The following CSMD1 variants were observed in gnomAD, a reference collection of about 807,000 sequenced individuals.
The protein encoded by CSMD1 is CUB and Sushi multiple domains 1, also known as CUB and sushi domain-containing protein 1.
A neutral mutation model predicts 417.5 loss-of-function variants in CSMD1; 213 were observed. The observed-to-expected ratio is 0.51, with a 90% CI of 0.46 to 0.57. The LOEUF (loss-of-function observed/expected upper bound fraction) is 0.57. Ranked by LOEUF, CSMD1 falls within the 20% of genes least tolerant of loss-of-function variation. The probability of loss-of-function intolerance (pLI) is 0.00; values close to 1 mark genes in which losing one functional copy is unlikely to be tolerated. For missense variants in CSMD1, 6,923 were observed against 4,529.7 expected (o/e 1.53, Z -15.17); for synonymous variants, 2,862 against 1,736.8 (o/e 1.65, Z -16.11).
At chr8:3,318,890 C>G (rs1805962146) in intron 23 of CSMD1, among the ~76,000 whole-genome samples, 1 of 152,132 alleles carries the variant, frequency 6.6e-6, no homozygotes, top group South Asian at 2.1e-4. Context: ...TGTAAACTAA[C>G]ACAGGTCATG....
intron 69 of CSMD1, among the ~76,000 whole-genome samples, chr8:2,939,038 C>G (rs1801684752): frequency 6.6e-6 from 1 of 152,230 alleles, no homozygotes; most frequent in African/African-American, 2.4e-5. Context: ...GACCACCACT[C>G]ATTTCAGCCT....
chr8:4,367,925 T>G (rs998296913), intron 3 of CSMD1, among the ~76,000 whole-genome samples: 1 of 152,192 alleles, frequency 6.6e-6, no homozygotes, highest in Non-Finnish European at 1.5e-5. Context: ...TTACTGAAGT[T>G]GTTTATCAGT....
chr8:3,761,219 T>C (rs890781646), intron 5 of CSMD1, among the ~76,000 whole-genome samples: 7 of 152,006 alleles, frequency 4.6e-5, no homozygotes, highest in African/African-American at 9.7e-5. Flanking sequence ...TGCAAGAACA[T>C]GAAAAACAGT....
At chr8:4,892,769 A>G (rs1323064105) in intron 1 of CSMD1, among the ~76,000 whole-genome samples, 1 of 151,988 alleles carries the variant, frequency 6.6e-6, no homozygotes. Context: ...TTTGTATTAT[A>G]TAATAATAAT....
At chr8:2,986,492 C>T (rs561241854) in intron 54 of CSMD1, among the ~76,000 whole-genome samples, 26 of 152,130 alleles carry the variant, frequency 1.7e-4, no homozygotes, top group Non-Finnish European at 3.1e-4. Context: ...TTAATATTTT[C>T]CCCAGTTCAT....
chr8:4,445,978 A>C (rs576299704), intron 2 of CSMD1, among the ~76,000 whole-genome samples: 2 of 152,142 alleles, frequency 1.3e-5, no homozygotes, highest in Non-Finnish European at 2.9e-5. Flanking sequence ...GGATAGCAAC[A>C]ATGTCAGTGC....
intron 5 of CSMD1, among the ~76,000 whole-genome samples, chr8:3,792,972 T>G (rs369649776): frequency 6.6e-6 from 1 of 152,168 alleles, no homozygotes; most frequent in African/African-American, 2.4e-5. Flanking sequence ...AGGATCACCG[T>G]CTAGAACCAT....
intron 10 of CSMD1, among the ~76,000 whole-genome samples, chr8:3,547,080 C>T (rs1798698471): frequency 1.3e-5 from 2 of 152,140 alleles, no homozygotes; most frequent in African/African-American, 4.8e-5. Flanking sequence ...ACTTAGACAG[C>T]AGGACCAATA....
At chr8:3,595,191 T>A (rs1307266156) in intron 8 of CSMD1, among the ~76,000 whole-genome samples, 1 of 152,118 alleles carries the variant, frequency 6.6e-6, no homozygotes, top group African/African-American at 2.4e-5. Context: ...AGGGACACGA[T>A]CCTAATAAGC....
chr8:4,113,749 C>T (rs561150770), intron 3 of CSMD1, among the ~76,000 whole-genome samples: 1 of 152,126 alleles, frequency 6.6e-6, no homozygotes, highest in East Asian at 1.9e-4. Context: ...ATGAAACAGC[C>T]TTATTGGTGA....
At chr8:4,859,481 C>G (rs960051372) in intron 1 of CSMD1, among the ~76,000 whole-genome samples, 3 of 151,996 alleles carry the variant, frequency 2.0e-5, no homozygotes, top group African/African-American at 7.2e-5. Context: ...GCAACCTACA[C>G]AATGGGAGAA....
chr8:3,434,813 T>C (rs2117034627), intron 12 of CSMD1, among the ~76,000 whole-genome samples: 1 of 152,336 alleles, frequency 6.6e-6, no homozygotes, highest in East Asian at 1.9e-4. Flanking sequence ...CTCGCCTATA[T>C]TTCTATGAGT....
chr8:4,757,163 C>A (rs1298849884), intron 1 of CSMD1, among the ~76,000 whole-genome samples: 2 of 152,198 alleles, frequency 1.3e-5, no homozygotes, highest in African/African-American at 4.8e-5. Context: ...GATTTCACTT[C>A]TATAAACATG....
At position 3,280,907 on chromosome 8, in the gene CSMD1, A is replaced by T. The variant is rs571581207; in HGVS notation, c.4153+3237T>A. 1.2e-4 allele frequency among the ~76,000 whole-genome samples: 18 copies of T among 152,318 alleles called. No individual in the cohort carries two copies. The East Asian group carries it at 3.5e-3, about 29-fold the overall frequency. On this transcript the variant is annotated intron_variant, in intron 26 of 69. Coordinates refer to ENST00000635120, the MANE Select transcript of CSMD1 (RefSeq NM_033225.6). ...TCTCTGAAGAGAGAATCATGAATAT[A>T]TAGAAAAAAAAGAAGTGATGGCCAG...
At chr8:4,545,815 T>G (rs144318864) in intron 2 of CSMD1, among the ~76,000 whole-genome samples, 89 of 152,350 alleles carry the variant, frequency 5.8e-4, no homozygotes, top group Non-Finnish European at 9.6e-4. Flanking sequence ...AACTAGCTCA[T>G]CATCTAGGCC....
At chr8:4,180,947 T>C (rs183715836) in intron 3 of CSMD1, among the ~76,000 whole-genome samples, 6 of 152,260 alleles carry the variant, frequency 3.9e-5, no homozygotes, top group African/African-American at 9.6e-5. Flanking sequence ...ACTCTGTTAA[T>C]TAAGCCGGGG....
intron 5 of CSMD1, among the ~76,000 whole-genome samples, chr8:3,956,508 G>C (rs542096328): frequency 5.4e-4 from 82 of 152,296 alleles, no homozygotes; most frequent in African/African-American, 1.9e-3. Context: ...GAAAAATAAA[G>C]AGGACAGGTG....
intron 1 of CSMD1, among the ~76,000 whole-genome samples, chr8:4,856,634 G>C (rs1225250448): frequency 6.8e-6 from 1 of 146,578 alleles, no homozygotes; most frequent in Non-Finnish European, 1.5e-5. Context: ...TGATAAAACA[G>C]ACTTTAAACC....
intron 41 of CSMD1, among the ~76,000 whole-genome samples, chr8:3,137,178 T>C (rs931335289): frequency 1.3e-5 from 2 of 152,218 alleles, no homozygotes; most frequent in Non-Finnish European, 2.9e-5. Context: ...CCTAAAGGGC[T>C]AGAGAACACT....
Sources: allele counts gnomAD v4.1 joint callset (sites outside exome capture counted in the v4.1 genomes callset), GRCh38; gene constraint gnomAD v4.1.1; transcripts MANE v1.5; gene names NCBI Gene and HGNC (gene_info 2026-07-23, HGNC 2026-07-21).